TAB2: variants seen among roughly 807,000 people sequenced by gnomAD.
The protein encoded by TAB2 is TGF-beta-activated kinase 1 and MAP3K7-binding protein 2.
A neutral mutation model predicts 65.0 loss-of-function variants in TAB2; 3 were observed. The ratio of observed to expected loss-of-function variants is 0.05; its 90% CI spans 0.02 to 0.12. The LOEUF (loss-of-function observed/expected upper bound fraction) is 0.12. TAB2 is among the 10% of genes least tolerant of loss of function. The pLI is 1.00. For synonymous variants in TAB2, 298 were observed against 285.1 expected, an observed-to-expected ratio of 1.05 and a Z score of -0.46; for missense variants, 623 against 840.3, an observed-to-expected ratio of 0.74 and a Z score of 3.20.
At chr6:149,398,183 C>A in intron 5 of TAB2, 121 bp downstream of exon 5, 1 of 828,000 alleles carries the variant, frequency 1.2e-6, no homozygotes, top group Non-Finnish European at 2.0e-6. Flanking sequence ...GGCTTTGGAG[C>A]CAGACAGACT....
chr6:149,247,681 T>G (rs1056247631), intron 1 of TAB2: 4 of 152,248 alleles, frequency 2.6e-5, no homozygotes, highest in Non-Finnish European at 5.9e-5. Flanking sequence ...GCAGCCACTC[T>G]GTTGGAGGGG....
chr6:149,403,858 G>C (rs1437390937), intron 6 of TAB2, among the ~76,000 whole-genome samples: 1 of 151,964 alleles, frequency 6.6e-6, no homozygotes, highest in Non-Finnish European at 1.5e-5. Context: ...CCTGCACCAA[G>C]GTATTCATGA....
chr6:149,253,976 AAGAAAGAAAGAAAG>A (rs1777926321), intron 1 of TAB2, among the ~76,000 whole-genome samples: 3 of 134,438 alleles, frequency 2.2e-5, no homozygotes, highest in African/African-American at 5.4e-5. Flanking sequence ...GAAAGAAAGA[AAGAAAGAAAGAAAG>A]AAAGAAAGAA....
At chr6:149,390,502 ATAAC>A (rs1030022438) in intron 3 of TAB2, among the ~76,000 whole-genome samples, 5 of 152,368 alleles carry the variant, frequency 3.3e-5, no homozygotes, top group Admixed American at 1.3e-4. Context: ...CAGTAAAAAA[ATAAC>A]TAAAATTAAT....
chr6:149,227,164 A>G (rs910825838), intron 1 of TAB2, among the ~76,000 whole-genome samples: 1 of 152,216 alleles, frequency 6.6e-6, no homozygotes, highest in Non-Finnish European at 1.5e-5. Flanking sequence ...AAAACGAGAG[A>G]TTTTTCTTCT....
intron 1 of TAB2, among the ~76,000 whole-genome samples, chr6:149,323,759 G>T (rs1299723567): frequency 6.6e-6 from 1 of 152,060 alleles, no homozygotes; most frequent in South Asian, 2.1e-4. Flanking sequence ...ATATTTCTTG[G>T]ATTTTTAAAA....
intron 1 of TAB2, among the ~76,000 whole-genome samples, chr6:149,342,426 G>T (rs1780158944): frequency 6.6e-6 from 1 of 152,122 alleles, no homozygotes; most frequent in African/African-American, 2.4e-5. Flanking sequence ...AGCCATTAGA[G>T]ATTTCATAAA....
chr6:149,378,610 A>G lies in TAB2; in HGVS notation c.695A>G (p.His232Arg). ...PGGTTRQTQQ[H>R]SGWVSQFNPM... is the part of the protein sequence containing the mutation. Reference sequence around the variant, plus strand: ...GGTACAACTCGACAGACACAACAGCATTCTGGCTGGGTATCTCAGTTTAAT... The same window carrying G: ...GGTACAACTCGACAGACACAACAGCGTTCTGGCTGGGTATCTCAGTTTAAT... The change falls in exon 3 of 7, where the codon CAT becomes CGT. Residue 232 changes from histidine (H) to arginine (R), a missense_variant. By Grantham distance (29) the His-to-Arg change is conservative. This residue lies in a region of TAB2 where 550 missense variants were observed against 665.7 expected (regional missense o/e 0.83). Coordinates refer to ENST00000637181, the MANE Select transcript of TAB2 (RefSeq NM_001292034.3). 2 of 1,613,490 alleles carry G rather than the reference A, an allele frequency of 1.2e-6. No homozygotes were observed. Among genetic ancestry groups the G allele is most frequent in the Non-Finnish European group, 1.7e-6 (2 of 1,180,026 alleles).
At chr6:149,240,270 A>G (rs1001239909) in intron 1 of TAB2, among the ~76,000 whole-genome samples, 5 of 152,030 alleles carry the variant, frequency 3.3e-5, no homozygotes, top group South Asian at 2.1e-4. Flanking sequence ...GCTCAAGAGG[A>G]GGGGAAGGGG....
chr6:149,339,671 C>G (rs1260594286), intron 1 of TAB2, among the ~76,000 whole-genome samples: 1 of 150,542 alleles, frequency 6.6e-6, no homozygotes, highest in African/African-American at 2.4e-5. Context: ...CGATTGCAGC[C>G]CACTGCAACC....
chr6:149,364,494 A>T (rs369675299), intron 1 of TAB2, among the ~76,000 whole-genome samples: 20 of 152,176 alleles, frequency 1.3e-4, no homozygotes, highest in African/African-American at 4.8e-4. Context: ...ACAGAAGATA[A>T]AATAATGAGC....
At position 149,390,897 on chromosome 6, in the gene TAB2, G is replaced by T. The variant is rs565575506; in HGVS notation, c.1604-6707G>T. On this transcript the variant is annotated intron_variant, in intron 3 of 6. Transcript: ENST00000637181. ...GGAATTTTTAATTTTTGTTGTTGTT[G>T]TTCTCTGCCTTTATCATATCCTTTC... 3.3e-5 allele frequency among the ~76,000 whole-genome samples: 5 copies of T among 152,146 alleles called. No homozygotes were observed. The East Asian group carries it at 9.6e-4, about 29-fold the overall frequency.
At chr6:149,319,552 G>A (rs1391237955) in intron 1 of TAB2, among the ~76,000 whole-genome samples, 1 of 152,158 alleles carries the variant, frequency 6.6e-6, no homozygotes, top group Non-Finnish European at 1.5e-5. Context: ...AAACATGTAT[G>A]GAACGAATAT....
intron 1 of TAB2, among the ~76,000 whole-genome samples, chr6:149,325,522 G>A (rs1444048071): frequency 2.0e-5 from 3 of 151,968 alleles, no homozygotes; most frequent in Admixed American, 6.6e-5. Context: ...ATAAACATAC[G>A]GATTGTTAAT....
intron 1 of TAB2, among the ~76,000 whole-genome samples, chr6:149,253,958 AAAAG>A (rs545364740): frequency 0.061 from 4,630 of 75,420 alleles, 292 homozygotes; most frequent in African/African-American, 0.11. Context: ...GAAAGAAAGA[AAAAG>A]AAAGAAAGAA....
At chr6:149,400,459 C>T (rs1453261837) in intron 6 of TAB2, 2 of 1,614,164 alleles carry the variant, frequency 1.2e-6, no homozygotes, top group Non-Finnish European at 1.7e-6. Context: ...TTGAAGGTGG[C>T]GGGACAGGAT....
At chr6:149,297,000 T>C (rs1778888052) in intron 1 of TAB2, among the ~76,000 whole-genome samples, 1 of 152,196 alleles carries the variant, frequency 6.6e-6, no homozygotes. Flanking sequence ...TAGATATTCT[T>C]TACTTAGATT....
Position 149,281,095 on chromosome 6 carries a change from A to ATTTTCT in TAB2, c.-121+62320_-121+62321insTTTCTT, listed in dbSNP as rs1562398894. Among the ~76,000 whole-genome samples, 1,295 of 152,236 alleles carry ATTTTCT rather than the reference A, an allele frequency of 8.5e-3. 16 individuals carry two copies. Among genetic ancestry groups the ATTTTCT allele is most frequent in the African/African-American group, 0.029 (1,224 of 41,552 alleles). ...ATTGGGAATGAATACACGGGTAAAT[A>ATTTTCT]TATAGGATTTTTTCCTATTCTTATT... is the stretch of plus-strand genomic sequence containing the variant. On this transcript the variant is annotated intron_variant, in intron 1 of 1. Transcript: ENST00000606202.
chr6:149,224,071 A>T (rs1777215568), intron 1 of TAB2, among the ~76,000 whole-genome samples: 1 of 152,226 alleles, frequency 6.6e-6, no homozygotes, highest in African/African-American at 2.4e-5. Flanking sequence ...AAACAATGTG[A>T]TCACCTTTTA....
Sources: gnomAD v4.1 joint callset for allele counts (sites outside exome capture counted in the v4.1 genomes callset) on GRCh38, gnomAD v4.1.1 for gene constraint, gnomAD v4.1.1 regional missense constraint, MANE v1.5 for transcripts, NCBI Gene and HGNC (gene_info 2026-07-23, HGNC 2026-07-21) for gene names.